The following USP34 variants were observed in gnomAD, a reference collection of about 807,000 sequenced individuals.
The protein encoded by USP34 is ubiquitin carboxyl-terminal hydrolase 34.
A neutral mutation model predicts 460.3 loss-of-function variants in USP34; 70 were observed. The observed-to-expected ratio is 0.15, with a 90% CI of 0.13 to 0.19. USP34 has a LOEUF of 0.19. USP34 is among the 10% of genes least tolerant of loss of function. The pLI is 1.00. For missense variants in USP34, 3,985 were observed against 4,236.2 expected (o/e 0.94, Z 1.65); for synonymous variants, 1,647 against 1,405.3 (o/e 1.17, Z -3.85).
At chr2:61,316,434 A>T (rs1175173458) in intron 23 of USP34, among the ~76,000 whole-genome samples, 1 of 151,316 alleles carries the variant, frequency 6.6e-6, no homozygotes, top group Non-Finnish European at 1.5e-5. Flanking sequence ...AAAATACAAA[A>T]ATTAGCTGGG....
chr2:61,461,401 T>TAA (rs938901947), intron 1 of USP34, among the ~76,000 whole-genome samples: 7 of 122,540 alleles, frequency 5.7e-5, no homozygotes, highest in African/African-American at 2.1e-4. Context: ...CTCAAAAAAA[T>TAA]AAAAAAAAAA....
At position 61,333,978 on chromosome 2, in the gene USP34, C is replaced by T. The variant is rs1572943321; in HGVS notation, c.2745-7G>A. 1 of 1,541,380 alleles carries T rather than the reference C, an allele frequency of 6.5e-7. No homozygotes were observed. The highest frequency in any genetic ancestry group is 8.7e-7 in the Non-Finnish European group (1 of 1,145,894). Reference sequence around the variant, plus strand: ...AAGTGAAATTACTACTGATCTGAAACAGCAGAAACATTCACAAAATAATTT... The same window carrying T: ...AAGTGAAATTACTACTGATCTGAAATAGCAGAAACATTCACAAAATAATTT... On this transcript the variant is annotated splice_polypyrimidine_tract_variant and splice_region_variant and intron_variant, in intron 18 of 79. Transcript: ENST00000398571.
intron 75 of USP34, among the ~76,000 whole-genome samples, chr2:61,194,543 G>A (rs546235492): frequency 1.3e-3 from 201 of 152,348 alleles, no homozygotes; most frequent in African/African-American, 4.8e-3. Context: ...TGTTGCCCAG[G>A]TTGGAGTGCA....
At chr2:61,233,229 T>G (rs770060808) in intron 57 of USP34, among the ~76,000 whole-genome samples, 3 of 152,072 alleles carry the variant, frequency 2.0e-5, no homozygotes, top group Non-Finnish European at 4.4e-5. Context: ...ATGATCTAAT[T>G]AGCACTTGAG....
intron 30 of USP34, among the ~76,000 whole-genome samples, chr2:61,296,197 T>C (rs565890863): frequency 1.3e-5 from 2 of 152,192 alleles, no homozygotes; most frequent in African/African-American, 4.8e-5. Context: ...GTGGTTGTGG[T>C]TGCAGTGAGC....
In USP34 at chr2:61,301,087, A is replaced by G; in HGVS notation, c.3992T>C (p.Leu1331Pro). The change falls in exon 29 of 80, where the codon CTC becomes CCC. Residue 1331 changes from leucine (L) to proline (P), a missense_variant. By Grantham distance (98) the Leu-to-Pro change is moderately conservative (BLOSUM62 -3). Around this residue, in one of 14 missense-constraint regions of USP34, gnomAD observed 1,114 missense variants for 1,122.5 expected, o/e 0.99. Coordinates refer to ENST00000398571, the MANE Select transcript of USP34 (RefSeq NM_014709.4). ...AATGTTGTCCTTCTGAGGGGGTGGG[A>G]GGCAAGATGCTGGCAGCTGAACACC... ...GEGVQLPASC[L>P]PPPQKDNIPM... is the part of the protein sequence containing the mutation. 6.2e-7 allele frequency: 1 copy of G among 1,614,126 alleles called. No individual in the cohort carries two copies. The highest frequency in any genetic ancestry group is 8.5e-7 in the Non-Finnish European group (1 of 1,180,006).
intron 57 of USP34, among the ~76,000 whole-genome samples, chr2:61,235,522 C>A (rs1688042105): frequency 6.6e-6 from 1 of 151,860 alleles, no homozygotes; most frequent in Non-Finnish European, 1.5e-5. Context: ...GACAGTGTTT[C>A]ACCACGTTGG....
At chr2:61,358,198 A>AAATAAATAAATAAATAAATC (rs1424475214) in intron 10 of USP34, among the ~76,000 whole-genome samples, 2 of 68,620 alleles carry the variant, frequency 2.9e-5, no homozygotes, top group Non-Finnish European at 7.6e-5. Context: ...CATCTAAAAT[A>AAATAAATAAATAAATAAATC]AATAAATAAA....
rs367985571 is a variant in USP34 at position 61,196,144 on chromosome 2, G to A, written c.9509-3164C>T. 5.7e-5 allele frequency among the ~76,000 whole-genome samples: 8 copies of A among 139,628 alleles called. No individual in the cohort carries two copies. In the East Asian group the frequency reaches 1.1e-3, roughly 19 times the overall value. 91.6% of individuals were successfully genotyped at this position (139,628 alleles called of 152,430 possible). ...CGCACAGGCTGGAGTGCAGTGGCGC[G>A]ATCTCGGCTCACTGCAGCCTCCACC... On this transcript the variant is annotated intron_variant, in intron 75 of 79. Transcript: ENST00000398571.
intron 5 of USP34, among the ~76,000 whole-genome samples, chr2:61,394,252 G>C (rs151004872): frequency 6.5e-4 from 99 of 152,230 alleles, no homozygotes; most frequent in African/African-American, 1.1e-3. Flanking sequence ...ATGTGTAAGA[G>C]AATTCAGGCA....
At chr2:61,190,821 G>A (rs555909448) in intron 76 of USP34, 163 bp from the exon 77 acceptor site, 9 of 765,134 alleles carry the variant, frequency 1.2e-5, no homozygotes, top group African/African-American at 8.8e-5. Flanking sequence ...TGAATTTTTA[G>A]TTAACAGCAA....
chr2:61,348,703 A>G (rs984588149), intron 14 of USP34, 53 bp downstream of exon 14: 2 of 1,572,214 alleles, frequency 1.3e-6, no homozygotes, highest in African/African-American at 2.7e-5. Flanking sequence ...CAAATGATAA[A>G]CACGCCAGAA....
Position 61,350,536 on chromosome 2 carries a change from A to G in USP34, c.1377+32T>C, listed in dbSNP as rs568968386. On this transcript the variant is annotated intron_variant, in intron 11 of 79. Coordinates refer to ENST00000398571, the MANE Select transcript of USP34 (RefSeq NM_014709.4). ...AAGGAAATTTTCACTTCACGGGAAA[A>G]AAAAAAAACTATCATGTTTTGAATG... The G allele has an allele frequency of 5.1e-6, 8 of 1,574,522 alleles. No individual in the cohort carries two copies. In the South Asian group the frequency reaches 9.5e-5, roughly 19 times the overall value.
rs1328620123 is a variant in USP34 at position 61,296,913 on chromosome 2, C to T, written c.4141G>A (p.Glu1381Lys). The change falls in exon 30 of 80, where the codon GAA becomes AAA. Residue 1381 changes from glutamate to lysine, a missense_variant. Glu to Lys is a moderately conservative substitution (Grantham distance 56). Around this residue, in one of 14 missense-constraint regions of USP34, gnomAD observed 1,114 missense variants for 1,122.5 expected, o/e 0.99. Coordinates refer to ENST00000398571, the MANE Select transcript of USP34 (RefSeq NM_014709.4). The stretch of plus-strand genomic sequence containing the variant: ...TTTTCTGCATGAAGATGAAGTTCTT[C>T]ACATCGTAAGCTCTACACAAATAAG... ...AVDDSESLRCEELHLHAENLS... is the reference protein window; with the variant it reads ...AVDDSESLRCKELHLHAENLS... 1 of 1,613,536 alleles carries T rather than the reference C, an allele frequency of 6.2e-7. No individual in the cohort carries two copies.
intron 58 of USP34, among the ~76,000 whole-genome samples, chr2:61,231,471 G>A (rs1687903124): frequency 6.6e-6 from 1 of 152,170 alleles, no homozygotes; most frequent in Non-Finnish European, 1.5e-5. Context: ...CCAGAACTCT[G>A]GGAGGCTAAG....
intron 48 of USP34, 59 bp from the exon 49 acceptor site, chr2:61,248,742 G>C (rs989070036): frequency 1.0e-5 from 15 of 1,452,358 alleles, no homozygotes; most frequent in South Asian, 1.0e-4. Context: ...CAGTTGGTTT[G>C]ATTTCTGTTA....
rs1053596744 is a variant in USP34 at position 61,334,710 on chromosome 2, T to A, written c.2745-739A>T. Among the ~76,000 whole-genome samples the A allele has an allele frequency of 9.2e-5, 14 of 152,126 alleles. 1 individual carries two copies. The highest frequency in any genetic ancestry group is 3.9e-4 in the Admixed American group (6 of 15,276). The stretch of plus-strand genomic sequence containing the variant: ...AAGTATATGTTTGACGTTAGAGAAA[T>A]AAGACGCCAGGCATTAAGTGGTTAT... On this transcript the variant is annotated intron_variant, in intron 18 of 79. Transcript: ENST00000398571.
intron 29 of USP34, among the ~76,000 whole-genome samples, chr2:61,298,771 T>A (rs1690125636): frequency 6.8e-6 from 1 of 147,702 alleles, no homozygotes; most frequent in African/African-American, 2.6e-5. Flanking sequence ...CCAGCCATAA[T>A]GATGGATTAA....
rs760269837 is a variant in USP34 at position 61,288,850 on chromosome 2, G to A, written c.4576C>T (p.Leu1526=). Reference sequence around the variant, plus strand: ...ACTGCAAACTGGCATATTAACTTCAGCAAGCAAGCAAGACAGTCTAGCTGC... The same window carrying A: ...ACTGCAAACTGGCATATTAACTTCAACAAGCAAGCAAGACAGTCTAGCTGC... ...VWQLDCLACL[L]KLICQFAVDP... is the part of the protein sequence containing the mutation. Residue 1526 remains leucine, a synonymous_variant, in exon 34 of 80, where the codon CTG becomes TTG. Transcript: ENST00000398571. The A allele has an allele frequency of 1.7e-5, 27 of 1,612,958 alleles. No homozygotes were observed. The highest frequency in any genetic ancestry group is 1.7e-5 in the Non-Finnish European group (20 of 1,179,904).
Sources: gnomAD v4.1 joint callset for allele counts (sites outside exome capture counted in the v4.1 genomes callset) on GRCh38, gnomAD v4.1.1 for gene constraint, gnomAD v4.1.1 regional missense constraint, MANE v1.5 for transcripts, NCBI Gene and HGNC (gene_info 2026-07-23, HGNC 2026-07-21) for gene names.